RTL4: variants seen among roughly 807,000 people sequenced by gnomAD.
The protein encoded by RTL4 is retrotransposon Gag-like protein 4.
RTL4 carries 4 observed loss-of-function variants against 5.3 expected under a neutral mutation model. The ratio of observed to expected loss-of-function variants is 0.75; its 90% CI spans 0.37 to 1.72. The LOEUF (loss-of-function observed/expected upper bound fraction) is 1.72. Among genes scored for constraint, RTL4 ranks in the 40% most tolerant of loss-of-function variants. The pLI is 0.04. For synonymous variants in RTL4, 98 were observed against 87.3 expected (o/e 1.12, Z -0.68); for missense variants, 260 against 227.1 (o/e 1.14, Z -0.93).
chrX:112,168,024 C>A, the RTL4 span, among the ~76,000 whole-genome samples: 12 of 111,646 alleles, frequency 1.1e-4, no homozygotes, highest in Non-Finnish European at 1.7e-4. Flanking sequence ...GCTGATCTGA[C>A]TGACACAAAT....
At chrX:112,182,266 A>G in the RTL4 span, among the ~76,000 whole-genome samples, 3 of 111,696 alleles carry the variant, frequency 2.7e-5, no homozygotes, top group African/African-American at 6.5e-5. Flanking sequence ...AAAAACCAGA[A>G]CACCTCTTCT....
the RTL4 span, among the ~76,000 whole-genome samples, chrX:112,223,130 G>A: frequency 1.8e-5 from 2 of 111,891 alleles, no homozygotes; most frequent in African/African-American, 6.5e-5. Flanking sequence ...TTTCATGCCT[G>A]TTCAAGCTGT....
At chrX:112,181,124 C>T in the RTL4 span, among the ~76,000 whole-genome samples, 1 of 111,944 alleles carries the variant, frequency 8.9e-6, no homozygotes, top group East Asian at 2.9e-4. Context: ...AGGGACTGTG[C>T]TGTGAGGAAC....
chrX:112,453,074 C>T (rs747535205), upstream of RTL4, among the ~76,000 whole-genome samples: 25 of 109,959 alleles, frequency 2.3e-4, no homozygotes, highest in African/African-American at 7.3e-4. Context: ...AAAAGGAAAC[C>T]GAGACCTAAA....
the RTL4 span, among the ~76,000 whole-genome samples, chrX:112,213,833 C>CTT: frequency 8.9e-5 from 9 of 101,409 alleles, no homozygotes; most frequent in Non-Finnish European, 2.0e-5. Flanking sequence ...GTTTTACCTT[C>CTT]TTTTTTTTTT....
the RTL4 span, among the ~76,000 whole-genome samples, chrX:112,335,865 C>CA: frequency 9.2e-6 from 1 of 108,918 alleles, no homozygotes; most frequent in Non-Finnish European, 1.9e-5. Flanking sequence ...TTTTTTGAGT[C>CA]AGAGTCTCGC....
At chrX:112,187,857 C>T in the RTL4 span, among the ~76,000 whole-genome samples, 67 of 111,570 alleles carry the variant, frequency 6.0e-4, no homozygotes, top group African/African-American at 2.2e-3. Context: ...GATTTGAAAC[C>T]ATAGAAAATG....
the RTL4 span, among the ~76,000 whole-genome samples, chrX:112,310,617 T>C: frequency 1.8e-5 from 1 of 55,271 alleles, no homozygotes; most frequent in Non-Finnish European, 2.9e-5. Context: ...TATATATATT[T>C]ATATATATTA....
chrX:112,241,580 C>T, the RTL4 span, among the ~76,000 whole-genome samples: 5 of 111,602 alleles, frequency 4.5e-5, no homozygotes, highest in Admixed American at 2.9e-4. Context: ...AGTTCTTTGT[C>T]GATTCTGGCT....
At chrX:112,137,948 A>G in the RTL4 span, among the ~76,000 whole-genome samples, 1 of 112,162 alleles carries the variant, frequency 8.9e-6, no homozygotes, top group Non-Finnish European at 1.9e-5. Context: ...CTGCGTAGCC[A>G]TGTTCATTGT....
chrX:112,121,701 G>A, the RTL4 span, among the ~76,000 whole-genome samples: 18 of 111,334 alleles, frequency 1.6e-4, no homozygotes, highest in African/African-American at 5.2e-4. Context: ...TTAACAAATT[G>A]ATTTCAGTAA....
At chrX:112,107,816 A>G in the RTL4 span, among the ~76,000 whole-genome samples, 129 of 111,757 alleles carry the variant, frequency 1.2e-3, no homozygotes, top group South Asian at 2.2e-3. Context: ...CTGATTAGAA[A>G]TCTTTGGCTG....
chrX:112,442,203 G>T, the RTL4 span, among the ~76,000 whole-genome samples: 3 of 109,748 alleles, frequency 2.7e-5, no homozygotes, highest in East Asian at 5.7e-4. Flanking sequence ...TCACCCAGAT[G>T]TATACATTTG....
the RTL4 span, among the ~76,000 whole-genome samples, chrX:112,326,846 C>T: frequency 1.8e-5 from 2 of 111,713 alleles, no homozygotes; most frequent in Non-Finnish European, 3.8e-5. Context: ...GGGTCCCTGA[C>T]CCCTGACCCC....
chrX:112,315,698 T>A, the RTL4 span, among the ~76,000 whole-genome samples: 1 of 111,641 alleles, frequency 9.0e-6, no homozygotes, highest in Non-Finnish European at 1.9e-5. Context: ...TTATTACATG[T>A]CTCCTTTCAG....
the RTL4 span, among the ~76,000 whole-genome samples, chrX:112,285,886 C>T: frequency 0.011 from 1,272 of 111,760 alleles, 10 homozygotes; most frequent in Middle Eastern, 0.019. Flanking sequence ...ATGCCTGCTC[C>T]TACCCGCTAG....
the RTL4 span, among the ~76,000 whole-genome samples, chrX:112,299,638 T>C: frequency 9.0e-6 from 1 of 111,665 alleles, no homozygotes; most frequent in African/African-American, 3.3e-5. Flanking sequence ...CCCCTTGGAC[T>C]TTGGAGTCTG....
chrX:112,261,968 G>T, the RTL4 span, among the ~76,000 whole-genome samples: 1 of 111,685 alleles, frequency 9.0e-6, no homozygotes, highest in South Asian at 3.7e-4. Flanking sequence ...CAGAAATGGT[G>T]CTGGGAAAAC....
At chrX:112,386,514 CT>C in the RTL4 span, among the ~76,000 whole-genome samples, 4 of 110,211 alleles carry the variant, frequency 3.6e-5, no homozygotes, top group Non-Finnish European at 5.7e-5. Flanking sequence ...CCCTCCCACC[CT>C]TTCCCCCAAG....
Sources: allele counts gnomAD v4.1 joint callset (sites outside exome capture counted in the v4.1 genomes callset), GRCh38; gene constraint gnomAD v4.1.1; transcripts MANE v1.5; gene names NCBI Gene and HGNC (gene_info 2026-07-23, HGNC 2026-07-21).